Variants in KMT2C observed in about 807,000 individuals in gnomAD.
KMT2C encodes the protein lysine methyltransferase 2C.
Under a neutral mutation model 507.9 loss-of-function variants are expected in KMT2C, and 88 were observed. That is an observed-to-expected ratio of 0.17 (90% CI 0.15 to 0.21). The LOEUF (loss-of-function observed/expected upper bound fraction) is 0.21. Ranked by LOEUF, KMT2C falls within the 10% of genes least tolerant of loss-of-function variation. The probability of loss-of-function intolerance (pLI) is 1.00; values close to 1 mark genes in which losing one functional copy is unlikely to be tolerated. For missense variants in KMT2C, 4,954 were observed against 5,957.8 expected, an observed-to-expected ratio of 0.83 and a Z score of 5.55; for synonymous variants, 2,049 against 2,080.8, an observed-to-expected ratio of 0.98 and a Z score of 0.42.
intron 23 of KMT2C, among the ~76,000 whole-genome samples, chr7:152,217,693 AT>A (rs1396070135): frequency 6.6e-6 from 1 of 152,078 alleles, no homozygotes; most frequent in Non-Finnish European, 1.5e-5. Context: ...TTTTCAACTG[AT>A]TTTCTTTTAC....
rs140200300 is a variant in KMT2C, at chr7:152,328,042, T to C, written c.389+2559A>G. Among the ~76,000 whole-genome samples, 536 of 151,586 alleles carry C rather than the reference T, an allele frequency of 3.5e-3. 3 individuals are homozygous for C. Among genetic ancestry groups the C allele is most frequent in the Non-Finnish European group, 3.4e-3 (230 of 67,898 alleles). ...AGGAACTATTAAGTGCAGGACACAG[T>C]GTGGTGAACAAAGCCCACCAACAAA... On this transcript the variant is annotated intron_variant, in intron 3 of 58. Transcript: ENST00000262189.
Position 152,136,657 on chromosome 7 carries a change from T to C in KMT2C, c.*175A>G. 2 of 590,920 alleles carry C rather than the reference T, an allele frequency of 3.4e-6. No individual in the cohort carries two copies. The highest frequency in any genetic ancestry group is 6.0e-6 in the Non-Finnish European group (2 of 331,426). The allele number at this position is 590,920 out of a possible 1,614,324, so 36.6% of individuals were successfully genotyped here. On this transcript the variant is annotated 3_prime_UTR_variant, in exon 59 of 59. Coordinates refer to ENST00000262189, the MANE Select transcript of KMT2C (RefSeq NM_170606.3). ...TTCAGGAACGCTGCTTCTGTCAGCT[T>C]CCTCCTGGCGCTGCTTTAACCTAAA...
At chr7:152,236,859 G>C (rs2095285005) in intron 15 of KMT2C, among the ~76,000 whole-genome samples, 1 of 152,076 alleles carries the variant, frequency 6.6e-6, no homozygotes, top group African/African-American at 2.4e-5. Flanking sequence ...GTCCAGCCAG[G>C]AAAAATTATT....
intron 28 of KMT2C, among the ~76,000 whole-genome samples, chr7:152,194,770 T>C (rs942751180): frequency 2.6e-5 from 4 of 151,774 alleles, no homozygotes; most frequent in Non-Finnish European, 4.4e-5. Context: ...TTCGGTGCCA[T>C]GTAAAGTTCT....
At position 152,421,533 on chromosome 7, in the gene KMT2C, A is replaced by C. The variant is rs181449882; in HGVS notation, c.161+14093T>G. Among the ~76,000 whole-genome samples, 328 of 152,352 alleles carry C rather than the reference A, an allele frequency of 2.2e-3. 3 individuals are homozygous for C. The highest frequency in any genetic ancestry group is 0.01 in the Middle Eastern group (3 of 294). ...GGACTGGATAAAGAAAACATGGTACATATACGAGACAGAATACTGTGCAGC... is the reference window on the plus strand; with the variant it reads ...GGACTGGATAAAGAAAACATGGTACCTATACGAGACAGAATACTGTGCAGC... On this transcript the variant is annotated intron_variant, in intron 1 of 58. Coordinates refer to ENST00000262189, the MANE Select transcript of KMT2C (RefSeq NM_170606.3).
intron 4 of KMT2C, among the ~76,000 whole-genome samples, chr7:152,314,227 T>A (rs10236400): frequency 6.6e-6 from 1 of 152,096 alleles, no homozygotes; most frequent in Non-Finnish European, 1.5e-5. Context: ...TTCAAAACAA[T>A]GAGCCAATCA....
At chr7:152,274,948 T>G (rs78242626) in intron 6 of KMT2C, among the ~76,000 whole-genome samples, 7 of 152,268 alleles carry the variant, frequency 4.6e-5, no homozygotes, top group African/African-American at 1.7e-4. Context: ...TGGTGATCTT[T>G]TTTGTGAGTG....
chr7:152,365,435 G>A (rs1040090808), intron 1 of KMT2C, among the ~76,000 whole-genome samples: 1 of 152,264 alleles, frequency 6.6e-6, no homozygotes, highest in Admixed American at 6.5e-5. Context: ...CAACTAGGGA[G>A]GTGGAGGTTG....
At chr7:152,192,013 A>G (rs2093809155) in intron 31 of KMT2C, among the ~76,000 whole-genome samples, 1 of 151,800 alleles carries the variant, frequency 6.6e-6, no homozygotes, top group Admixed American at 6.6e-5. Flanking sequence ...TTCACCTTGT[A>G]TTACACATTA....
At chr7:152,211,554 T>C (rs1311481257) in intron 23 of KMT2C, among the ~76,000 whole-genome samples, 1 of 152,164 alleles carries the variant, frequency 6.6e-6, no homozygotes, top group Non-Finnish European at 1.5e-5. Flanking sequence ...CCTGAAACAA[T>C]GCACACAAGG....
intron 3 of KMT2C, among the ~76,000 whole-genome samples, chr7:152,323,350 C>T (rs905135313): frequency 3.3e-5 from 5 of 151,840 alleles, no homozygotes; most frequent in South Asian, 2.1e-4. Flanking sequence ...CCTTGAAAAG[C>T]GGGAGGATGG....
chr7:152,165,778 T>C (rs1331284697), intron 42 of KMT2C, among the ~76,000 whole-genome samples: 2 of 152,126 alleles, frequency 1.3e-5, no homozygotes, highest in Admixed American at 6.6e-5. Flanking sequence ...AGCCTCCACC[T>C]CCCGGATTCA....
chr7:152,303,121 T>A (rs1178019933), intron 6 of KMT2C, among the ~76,000 whole-genome samples: 1 of 152,206 alleles, frequency 6.6e-6, no homozygotes, highest in Non-Finnish European at 1.5e-5. Flanking sequence ...AGATTCACTG[T>A]TTGCCATGTT....
chr7:152,334,042 G>A (rs997906738), intron 2 of KMT2C, among the ~76,000 whole-genome samples: 5 of 151,936 alleles, frequency 3.3e-5, no homozygotes, highest in Non-Finnish European at 5.9e-5. Flanking sequence ...TGAACAAAAT[G>A]AATGTGTCAC....
intron 1 of KMT2C, among the ~76,000 whole-genome samples, chr7:152,372,346 G>C (rs2097299018): frequency 6.6e-6 from 1 of 151,914 alleles, no homozygotes; most frequent in African/African-American, 2.4e-5. Context: ...AGTAAAGATG[G>C]GGTTTCACCA....
At chr7:152,219,177 C>T (rs1290590827) in intron 23 of KMT2C, among the ~76,000 whole-genome samples, 2 of 152,052 alleles carry the variant, frequency 1.3e-5, no homozygotes, top group African/African-American at 4.8e-5. Flanking sequence ...ACCATGTTGG[C>T]CAGTCTGGTC....
At chr7:152,430,273 A>G (rs973828058) in intron 1 of KMT2C, among the ~76,000 whole-genome samples, 8 of 152,156 alleles carry the variant, frequency 5.3e-5, no homozygotes, top group Non-Finnish European at 7.3e-5. Context: ...TAACCACTGT[A>G]GCACAAACAT....
chr7:152,354,432 C>T (rs1461405433), intron 2 of KMT2C, among the ~76,000 whole-genome samples: 3 of 152,144 alleles, frequency 2.0e-5, no homozygotes, highest in Non-Finnish European at 4.4e-5. Context: ...AATAAGGTAA[C>T]AAGACAAATC....
rs539273422 is a variant in KMT2C, at chr7:152,311,655, G to A, written c.739+143C>T. The A allele has an allele frequency of 4.9e-5, 29 of 588,836 alleles. 1 individual carries two copies. In the South Asian group the frequency reaches 7.6e-4, roughly 15 times the overall value. 36.5% of individuals were successfully genotyped at this position (588,836 alleles called of 1,614,324 possible). A position where few individuals can be genotyped will look rare whatever the true frequency, so the allele number is the denominator to read the frequency against. ...TAAACCTTTTCTTTTACCTAACCAGGCATATTTAATAATGATTTTTTTATA... is the reference window on the plus strand; with the variant it reads ...TAAACCTTTTCTTTTACCTAACCAGACATATTTAATAATGATTTTTTTATA... On this transcript the variant is annotated intron_variant, in intron 5 of 58. Coordinates refer to ENST00000262189, the MANE Select transcript of KMT2C (RefSeq NM_170606.3).
Sources: allele counts gnomAD v4.1 joint callset (sites outside exome capture counted in the v4.1 genomes callset), GRCh38; gene constraint gnomAD v4.1.1; transcripts MANE v1.5; gene names NCBI Gene and HGNC (gene_info 2026-07-23, HGNC 2026-07-21).